C21orf58: variants seen among roughly 807,000 people sequenced by gnomAD.
C21orf58 encodes the protein chromosome 21 open reading frame 58.
A neutral mutation model predicts 35.8 loss-of-function variants in C21orf58; 34 were observed. The observed-to-expected ratio is 0.95, with a 90% confidence interval of 0.72 to 1.26. The LOEUF is 1.26. Among genes scored for constraint, C21orf58 ranks in the 50% most tolerant of loss-of-function variants. C21orf58 has a pLI of 0.00. For missense variants in C21orf58, 440 were observed against 414.3 expected, an observed-to-expected ratio of 1.06 and a Z score of -0.54; for synonymous variants, 191 against 175.8, an observed-to-expected ratio of 1.09 and a Z score of -0.68.
chr21:46,314,823 C>A lies in C21orf58; in HGVS notation c.502G>T (p.Gly168Ter), dbSNP rs1477851263. 3.2e-6 allele frequency: 5 copies of A among 1,549,194 alleles called. No homozygotes were observed. The African/African-American group carries it at 6.8e-5, about 21-fold the overall frequency. ...RAQAWSGPSR[G>*]ALGSALPPEL... ...GGGGGCAGGGCTGACCCGAGGGCTCCTCTGCTTGGCCCGCTCCAGGCCTGG... is the reference window on the plus strand; with the variant it reads ...GGGGGCAGGGCTGACCCGAGGGCTCATCTGCTTGGCCCGCTCCAGGCCTGG... Residue 168 changes from glycine to a stop codon, truncating the protein, a stop_gained, in exon 5 of 8, where the codon GGA (glycine) becomes TGA (stop). Transcript: ENST00000291691. LOFTEE classifies it high-confidence loss of function.
intron 6 of C21orf58, among the ~76,000 whole-genome samples, chr21:46,303,737 ATATATATAT>A (rs1265131620): frequency 2.0e-4 from 6 of 30,210 alleles, no homozygotes; most frequent in Non-Finnish European, 3.4e-4. Flanking sequence ...ATATATATAT[ATATATATAT>A]TTTTTTTTTT....
At chr21:46,314,944 C>T (rs1017352236) in intron 4 of C21orf58, 64 bp from the exon 5 acceptor site, 2 of 1,550,350 alleles carry the variant, frequency 1.3e-6, no homozygotes, top group Non-Finnish European at 1.7e-6. Flanking sequence ...CAGAGGCACC[C>T]CCAGCATCAG....
In C21orf58 at chr21:46,301,326, T is replaced by C. The variant is rs2082099263; in HGVS notation, c.*673A>G. 1 of 334,520 alleles carries C rather than the reference T, an allele frequency of 3.0e-6. No individual in the cohort carries two copies. The highest frequency in any genetic ancestry group is 4.2e-6 in the Non-Finnish European group (1 of 235,298). The allele number at this position is 334,520 out of a possible 1,614,324, so 20.7% of individuals were successfully genotyped here. ...CTGGCTAGTTTTTTAAATTTATTTTTTGTAGAGACGGGGTCTTGCTATGTG... is the reference window on the plus strand; with the variant it reads ...CTGGCTAGTTTTTTAAATTTATTTTCTGTAGAGACGGGGTCTTGCTATGTG... On this transcript the variant is annotated 3_prime_UTR_variant, in exon 8 of 8. Coordinates refer to ENST00000291691, the MANE Select transcript of C21orf58 (RefSeq NM_058180.5).
At chr21:46,313,052 G>C in intron 5 of C21orf58, 1 of 985,412 alleles carries the variant, frequency 1.0e-6, no homozygotes, top group Non-Finnish European at 1.2e-6. Context: ...TTCACAGAAA[G>C]GACGGCAGAG....
At chr21:46,322,507 T>G in intron 1 of C21orf58, 132 bp downstream of exon 1, 1 of 1,285,478 alleles carries the variant, frequency 7.8e-7, no homozygotes, top group South Asian at 2.7e-5. Flanking sequence ...TGTGATCCTG[T>G]GGGTGCAGCC....
At chr21:46,316,222 G>A (rs145418342) in intron 3 of C21orf58, among the ~76,000 whole-genome samples, 23 of 152,166 alleles carry the variant, frequency 1.5e-4, no homozygotes, top group Middle Eastern at 3.4e-3. Context: ...TTAGGAGGCC[G>A]AGGTGGGTGG....
At position 46,323,047 on chromosome 21, in the gene C21orf58, T is replaced by G. The variant is rs896585961; in HGVS notation, c.-309A>C. On this transcript the variant is annotated 5_prime_UTR_variant, in exon 1 of 8. Transcript: ENST00000291691. ...ATAAAGGGGTTAGCTGAAGGAATAC[T>G]CCACAGTTAAGGACGGCCTGCGCGA... The G allele has an allele frequency of 4.7e-6, 1 of 212,956 alleles. No homozygotes were observed. The highest frequency in any genetic ancestry group is 2.3e-5 in the African/African-American group (1 of 43,794). 13.2% of individuals were successfully genotyped at this position (212,956 alleles called of 1,614,324 possible). A position where few individuals can be genotyped will look rare whatever the true frequency, so the allele number is the denominator to read the frequency against.
At chr21:46,313,390 C>T (rs2082825384) in intron 5 of C21orf58, among the ~76,000 whole-genome samples, 1 of 152,194 alleles carries the variant, frequency 6.6e-6, no homozygotes, top group Non-Finnish European at 1.5e-5. Flanking sequence ...CTGGCACAGA[C>T]CCATGAGGCT....
intron 6 of C21orf58, among the ~76,000 whole-genome samples, chr21:46,305,866 TG>T (rs2082393676): frequency 6.6e-6 from 1 of 151,484 alleles, no homozygotes; most frequent in Admixed American, 6.6e-5. Context: ...GGCGTGAACC[TG>T]GGGGGCAGAG....
In C21orf58 at chr21:46,318,019, A is replaced by G. The variant is rs1264716420; in HGVS notation, c.302T>C (p.Leu101Ser). 1 of 1,613,344 alleles carries G rather than the reference A, an allele frequency of 6.2e-7. No homozygotes were observed. Among genetic ancestry groups the G allele is most frequent in the South Asian group, 1.1e-5 (1 of 91,088 alleles). Residue 101 changes from leucine (L) to serine (S), a missense_variant, in exon 2 of 8, where the codon TTG (leucine) becomes TCG (serine). Leu to Ser is a moderately radical substitution (Grantham distance 145). Coordinates refer to ENST00000291691, the MANE Select transcript of C21orf58 (RefSeq NM_058180.5). The part of the protein sequence containing the change: ...EQVTRLTLKL[L>S]GQKLEQERQN... ...TCCCGGGCTCTGCCTCACCTGTCCC[A>G]AGAGCTTCAGCGTCAGTCGGGTCAC...
chr21:46,322,525 G>C, intron 1 of C21orf58, 114 bp downstream of exon 1: 1 of 1,305,270 alleles, frequency 7.7e-7, no homozygotes, highest in Non-Finnish European at 9.8e-7. Context: ...GCCCCTGCTC[G>C]CTTGGCTGTG....
chr21:46,302,212 C>T, intron 7 of C21orf58, 58 bp from the exon 8 acceptor site: 3 of 1,435,010 alleles, frequency 2.1e-6, no homozygotes, highest in Non-Finnish European at 2.7e-6. Flanking sequence ...CACCTCCACT[C>T]CCGCCCTGTT....
In C21orf58 at chr21:46,301,977, C is replaced by T; in HGVS notation, c.*22G>A. On this transcript the variant is annotated 3_prime_UTR_variant, in exon 8 of 8. Transcript: ENST00000291691. ...AGCCTGGGGGTGGAGGGTGCCCCGG[C>T]CAGGGTCTCTGTGACTCACACTCAG... 1 of 1,502,302 alleles carries T rather than the reference C, an allele frequency of 6.7e-7. No individual in the cohort carries two copies. The highest frequency in any genetic ancestry group is 1.3e-5 in the South Asian group (1 of 79,448). The allele number at this position is 1,502,302 out of a possible 1,614,324, so 93.1% of individuals were successfully genotyped here.
intron 7 of C21orf58, 139 bp from the exon 8 acceptor site, chr21:46,302,293 T>TC (rs1276924662): frequency 7.3e-7 from 1 of 1,370,132 alleles, no homozygotes; most frequent in Non-Finnish European, 9.7e-7. Flanking sequence ...AGGAGGCTCC[T>TC]CCCCCGCCCC....
At chr21:46,311,387 T>C (rs1230975153) in intron 6 of C21orf58, 69 bp downstream of exon 6, 2 of 921,944 alleles carry the variant, frequency 2.2e-6, no homozygotes, top group Non-Finnish European at 3.2e-6. Context: ...CTGTCCTGCT[T>C]CCAGGAACAT....
At chr21:46,309,666 A>G (rs972390906) in intron 6 of C21orf58, among the ~76,000 whole-genome samples, 12 of 151,834 alleles carry the variant, frequency 7.9e-5, no homozygotes, top group Admixed American at 5.3e-4. Flanking sequence ...CCATACAAAA[A>G]AAGAGTACAT....
chr21:46,318,302 G>A (rs570732126), intron 1 of C21orf58, 82 bp from the exon 2 acceptor site: 16 of 1,564,042 alleles, frequency 1.0e-5, no homozygotes, highest in South Asian at 2.3e-5. Flanking sequence ...GCTGGGCGCC[G>A]CGTGACAGTT....
At position 46,322,901 on chromosome 21, in the gene C21orf58, GGCATCGTTACT is replaced by G; in HGVS notation, c.-174_-164del. Reference sequence around the variant, plus strand: ...GAGCCACTCCAGCACGCTCGGGAAGGGCATCGTTACTGCTGCAAACAAGCACACGGCCCTCC... The same window carrying G: ...GAGCCACTCCAGCACGCTCGGGAAGGGCTGCAAACAAGCACACGGCCCTCC... On this transcript the variant is annotated 5_prime_UTR_variant, in exon 1 of 8. The change abolishes an upstream ATG in the 5' untranslated region. Transcript: ENST00000291691. 1 of 489,686 alleles carries G rather than the reference GGCATCGTTACT, an allele frequency of 2.0e-6. No individual in the cohort carries two copies. Among genetic ancestry groups the G allele is most frequent in the Non-Finnish European group, 3.6e-6 (1 of 279,372 alleles). The allele number at this position is 489,686 out of a possible 1,614,324, so 30.3% of individuals were successfully genotyped here.
chr21:46,319,204 T>A (rs941965845), intron 1 of C21orf58: 2 of 152,320 alleles, frequency 1.3e-5, no homozygotes, highest in African/African-American at 4.8e-5. Context: ...CAGAGGCAGC[T>A]CATGGAGATC....
Sources: allele counts gnomAD v4.1 joint callset (sites outside exome capture counted in the v4.1 genomes callset), GRCh38; gene constraint gnomAD v4.1.1; transcripts MANE v1.5; gene names NCBI Gene and HGNC (gene_info 2026-07-23, HGNC 2026-07-21).